The following RSPH14 variants were observed in gnomAD, a reference collection of about 807,000 sequenced individuals.
RSPH14 encodes radial spoke head 14 homolog.
Under a neutral mutation model 26.7 loss-of-function variants are expected in RSPH14, and 20 were observed. The observed-to-expected ratio is 0.75, with a 90% CI of 0.53 to 1.09. The LOEUF (loss-of-function observed/expected upper bound fraction) is 1.09. Among genes scored for constraint, RSPH14 ranks in the 50% least tolerant of loss-of-function variants. RSPH14 has a pLI of 0.00. For synonymous variants in RSPH14, 177 were observed against 189.3 expected, an observed-to-expected ratio of 0.93 and a Z score of 0.53; for missense variants, 449 against 457.2, an observed-to-expected ratio of 0.98 and a Z score of 0.16.
In RSPH14 at chr22:23,123,444, G is replaced by C. The variant is rs41311051; in HGVS notation, c.421+10582C>G. 1.0e-5 allele frequency: 16 copies of C among 1,563,746 alleles called. No individual in the cohort carries two copies. The South Asian group carries it at 1.8e-4, about 17-fold the overall frequency. On this transcript the variant is annotated intron_variant, in intron 4 of 6. Coordinates refer to ENST00000216036, the MANE Select transcript of RSPH14 (RefSeq NM_014433.3). ...TGGCCTTTGCTGAGGAGCTGGGCCC[G>C]GGGCCCGCCTGCCTATGGTGAAACC...
chr22:23,063,655 G>A (rs1396721745), intron 5 of RSPH14, among the ~76,000 whole-genome samples: 1 of 152,184 alleles, frequency 6.6e-6, no homozygotes, highest in Non-Finnish European at 1.5e-5. Context: ...CTCATGGGGA[G>A]GGGGTGCACA....
intron 4 of RSPH14, among the ~76,000 whole-genome samples, chr22:23,085,222 C>T (rs938344798): frequency 5.9e-5 from 9 of 152,222 alleles, no homozygotes; most frequent in Admixed American, 2.6e-4. Context: ...TGCCATTCTA[C>T]ATTTTTCTCT....
intron 4 of RSPH14, among the ~76,000 whole-genome samples, chr22:23,116,173 T>C (rs547413667): frequency 6.6e-6 from 1 of 152,348 alleles, no homozygotes; most frequent in South Asian, 2.1e-4. Context: ...GTCTCCTCAC[T>C]GAGGGGCACA....
intron 4 of RSPH14, among the ~76,000 whole-genome samples, chr22:23,118,754 C>T (rs2069925804): frequency 1.3e-5 from 2 of 152,186 alleles, no homozygotes; most frequent in Admixed American, 1.3e-4. Flanking sequence ...TACCATGGGG[C>T]AGGGCCACAT....
chr22:23,109,148 C>T (rs1751842675), intron 4 of RSPH14, among the ~76,000 whole-genome samples: 1 of 152,176 alleles, frequency 6.6e-6, no homozygotes, highest in Non-Finnish European at 1.5e-5. Context: ...TCTTGTGACG[C>T]ACTTCACTGT....
At chr22:23,078,757 G>A (rs910449507) in intron 4 of RSPH14, among the ~76,000 whole-genome samples, 1 of 152,220 alleles carries the variant, frequency 6.6e-6, no homozygotes, top group Non-Finnish European at 1.5e-5. Context: ...GGGGCTGAGG[G>A]GCCATGCAAT....
chr22:23,122,845 C>G (rs938344234), intron 4 of RSPH14: 2 of 573,430 alleles, frequency 3.5e-6, no homozygotes, highest in Non-Finnish European at 6.2e-6. Context: ...AGGAGAGACC[C>G]AAAAGGGGCA....
At chr22:23,078,318 G>A (rs781244615) in intron 4 of RSPH14, among the ~76,000 whole-genome samples, 1 of 152,174 alleles carries the variant, frequency 6.6e-6, no homozygotes, top group Non-Finnish European at 1.5e-5. Flanking sequence ...TAAACACTGG[G>A]CCAGTGCCAG....
chr22:23,141,999 T>C, upstream of RSPH14: 1 of 985,406 alleles, frequency 1.0e-6, no homozygotes. Flanking sequence ...CTGGCCAACC[T>C]ATTCAGTTGC....
chr22:23,135,498 G>A (rs28665348), intron 3 of RSPH14, among the ~76,000 whole-genome samples: 4 of 146,994 alleles, frequency 2.7e-5, no homozygotes, highest in Non-Finnish European at 3.0e-5. Flanking sequence ...TCTCAAATAA[G>A]TAAATAAATA....
intron 2 of RSPH14, 95 bp from the exon 3 acceptor site, chr22:23,139,037 G>C (rs552129745): frequency 3.3e-6 from 3 of 914,622 alleles, no homozygotes; most frequent in African/African-American, 3.3e-5. Context: ...GGCCAGTTGG[G>C]GCAGGAATGT....
the RSPH14 span, among the ~76,000 whole-genome samples, chr22:23,154,052 T>C: frequency 6.6e-6 from 1 of 151,970 alleles, no homozygotes; most frequent in South Asian, 2.1e-4. Flanking sequence ...CCACTGGCCT[T>C]ACCCCTTCCC....
the RSPH14 span, among the ~76,000 whole-genome samples, chr22:23,160,108 C>T: frequency 6.6e-6 from 1 of 152,228 alleles, no homozygotes; most frequent in East Asian, 1.9e-4. Flanking sequence ...TAGTCTTTAC[C>T]CTGTGTAAGA....
At chr22:23,064,531 T>C (rs952797151) in intron 4 of RSPH14, among the ~76,000 whole-genome samples, 3 of 152,006 alleles carry the variant, frequency 2.0e-5, no homozygotes, top group South Asian at 2.1e-4. Context: ...TGCCCCAGAG[T>C]TGGGGAGCCA....
intron 4 of RSPH14, among the ~76,000 whole-genome samples, chr22:23,113,224 G>A (rs1325997489): frequency 1.3e-5 from 2 of 152,200 alleles, no homozygotes; most frequent in Non-Finnish European, 2.9e-5. Context: ...CAACAGCTGG[G>A]GCCCCAGCGC....
chr22:23,147,246 A>G (rs2070833079), upstream of RSPH14, among the ~76,000 whole-genome samples: 1 of 152,204 alleles, frequency 6.6e-6, no homozygotes, highest in Admixed American at 6.5e-5. Flanking sequence ...GGGAATACAA[A>G]TTGAGTACAA....
intron 3 of RSPH14, among the ~76,000 whole-genome samples, chr22:23,136,751 C>T (rs528058370): frequency 7.2e-6 from 1 of 139,404 alleles, no homozygotes; most frequent in African/African-American, 2.5e-5. Flanking sequence ...ATCTGTCCCC[C>T]CTAACTGGGG....
At chr22:23,146,851 G>A (rs1262569213), upstream of RSPH14, among the ~76,000 whole-genome samples, 1 of 152,184 alleles carries the variant, frequency 6.6e-6, no homozygotes, top group Non-Finnish European at 1.5e-5. Context: ...CCCAAGGTGG[G>A]ACCGCAAGTT....
At chr22:23,160,371 G>A in the RSPH14 span, among the ~76,000 whole-genome samples, 5 of 152,326 alleles carry the variant, frequency 3.3e-5, no homozygotes, top group African/African-American at 4.8e-5. Context: ...GGCAGTGTGC[G>A]TGTTAAGGGC....
Sources: gnomAD v4.1 joint callset for allele counts (sites outside exome capture counted in the v4.1 genomes callset) on GRCh38, gnomAD v4.1.1 for gene constraint, MANE v1.5 for transcripts, NCBI Gene and HGNC (gene_info 2026-07-23, HGNC 2026-07-21) for gene names.